Variants in CR2 observed in about 807,000 individuals in gnomAD.
CR2 encodes complement receptor type 2.
A neutral mutation model predicts 123.0 loss-of-function variants in CR2; 96 were observed. The ratio of observed to expected loss-of-function variants is 0.78; its 90% confidence interval spans 0.66 to 0.93. The LOEUF is 0.93. Ranked by LOEUF, CR2 falls within the 40% of genes least tolerant of loss-of-function variation. The probability of loss-of-function intolerance (pLI) is 0.00; values close to 1 mark genes in which losing one functional copy is unlikely to be tolerated. For missense variants in CR2, 1,258 were observed against 1,361.0 expected (o/e 0.92, Z 1.19); for synonymous variants, 484 against 469.5 (o/e 1.03, Z -0.40).
At chr1:207,458,077 C>CATACACACACACACACACACAT (rs1553278532) in intron 1 of CR2, among the ~76,000 whole-genome samples, 4 of 150,078 alleles carry the variant, frequency 2.7e-5, no homozygotes, top group African/African-American at 9.9e-5. Context: ...CACACACACA[C>CATACACACACACACACACACAT]ACACACACAC....
chr1:207,464,527 A>G (rs1658044423), intron 1 of CR2, among the ~76,000 whole-genome samples: 4 of 152,346 alleles, frequency 2.6e-5, no homozygotes, highest in African/African-American at 7.2e-5. Flanking sequence ...AAGTCAATGC[A>G]TTGCACCAGC....
In CR2 at chr1:207,478,031, G is replaced by A. The variant is rs1314658125; in HGVS notation, c.3049G>A (p.Asp1017Asn). The A allele has an allele frequency of 2.5e-6, 4 of 1,613,908 alleles. No individual in the cohort carries two copies. Among genetic ancestry groups the A allele is most frequent in the Non-Finnish European group, 3.4e-6 (4 of 1,180,002 alleles). The change falls in exon 16 of 20, where the codon GAT becomes AAT. Residue 1017 changes from aspartate to asparagine, a missense_variant. Transcript: ENST00000367057. Reference sequence around the variant, plus strand: ...CAGTCCCCAGAGCCAGTGCCAATCGGATCACCAATGGAACCCTCCCCTGGC... The same window carrying A: ...CAGTCCCCAGAGCCAGTGCCAATCGAATCACCAATGGAACCCTCCCCTGGC... ...EGSPQSQCQS[D>N]HQWNPPLAVC... is the part of the protein sequence containing the mutation.
At chr1:207,461,138 G>A (rs141941832) in intron 1 of CR2, among the ~76,000 whole-genome samples, 1 of 151,836 alleles carries the variant, frequency 6.6e-6, no homozygotes, top group Non-Finnish European at 1.5e-5. Context: ...GTATAAATAA[G>A]ACCTCATTGA....
In CR2 at chr1:207,480,057, A is replaced by G; in HGVS notation, c.3188+4A>G. On this transcript the variant is annotated splice_donor_region_variant and intron_variant, in intron 18 of 19. Coordinates refer to ENST00000367057, the MANE Select transcript of CR2 (RefSeq NM_001006658.3). Reference sequence around the variant, plus strand: ...TGATATCAAAACACAGAGCACGGTAAGTTCAAAGGCGAATACTTGATTGAC... The same window carrying G: ...TGATATCAAAACACAGAGCACGGTAGGTTCAAAGGCGAATACTTGATTGAC... 1 of 1,605,060 alleles carries G rather than the reference A, an allele frequency of 6.2e-7. No individual in the cohort carries two copies. The highest frequency in any genetic ancestry group is 8.5e-7 in the Non-Finnish European group (1 of 1,172,048).
chr1:207,466,332 G>T (rs2102300371), intron 1 of CR2, among the ~76,000 whole-genome samples, 194 bp from the exon 2 acceptor site: 1 of 152,240 alleles, frequency 6.6e-6, no homozygotes. Context: ...GATTTATGTT[G>T]ATCTGTTTGC....
chr1:207,468,768 C>T (rs1658179093), intron 3 of CR2, 32 bp from the exon 4 acceptor site: 3 of 1,613,680 alleles, frequency 1.9e-6, no homozygotes, highest in Admixed American at 3.3e-5. Flanking sequence ...TGTTATTTGC[C>T]ATGCATTTCT....
chr1:207,463,917 G>T lies in CR2; in HGVS notation c.59-2609G>T, dbSNP rs753280085. Among the ~76,000 whole-genome samples, 28 of 152,128 alleles carry T rather than the reference G, an allele frequency of 1.8e-4. 1 individual carries two copies. Among genetic ancestry groups the T allele is most frequent in the Non-Finnish European group, 5.9e-5 (4 of 68,018 alleles). ...GAGCATCTGCACACCAAAGTGAGTAGCCAGGAGGGTTTACACTTGGTTTGA... is the reference window on the plus strand; with the variant it reads ...GAGCATCTGCACACCAAAGTGAGTATCCAGGAGGGTTTACACTTGGTTTGA... On this transcript the variant is annotated intron_variant, in intron 1 of 19. Coordinates refer to ENST00000367057, the MANE Select transcript of CR2 (RefSeq NM_001006658.3).
Position 207,474,984 on chromosome 1 carries a change from T to C in CR2, c.2484T>C (p.His828=), listed in dbSNP as rs1454278839. 1 of 1,614,030 alleles carries C rather than the reference T, an allele frequency of 6.2e-7. No homozygotes were observed. Among genetic ancestry groups the C allele is most frequent in the Non-Finnish European group, 8.5e-7 (1 of 1,180,012 alleles). ...KLQCRSDSKG[H]GSWSGPSPQC... is the part of the protein sequence containing the mutation. Reference sequence around the variant, plus strand: ...AGTGCAGAAGTGATTCTAAAGGACATGGATCTTGGAGCGGGCCTTCCCCAC... The same window carrying C: ...AGTGCAGAAGTGATTCTAAAGGACACGGATCTTGGAGCGGGCCTTCCCCAC... The change falls in exon 14 of 20, where the codon CAT becomes CAC. Residue 828 remains histidine (H), a synonymous_variant. Transcript: ENST00000367057.
In CR2 at chr1:207,469,828, T is replaced by C. The variant is rs41304105; in HGVS notation, c.951T>C (p.Leu317=). The C allele has an allele frequency of 4.3e-6, 7 of 1,613,926 alleles. No individual in the cohort carries two copies. Among genetic ancestry groups the C allele is most frequent in the East Asian group, 2.2e-5 (1 of 44,876 alleles). ...CAGAGGAAGGAGTGAACTTCATCCT[T>C]ATTGGAGAGAGCACTCTCCGTTGTA... The part of the protein sequence containing the change: ...PDPEEGVNFI[L]IGESTLRCTV... Residue 317 remains leucine (L), a synonymous_variant, in exon 6 of 20, where the codon CTT becomes CTC. Coordinates refer to ENST00000367057, the MANE Select transcript of CR2 (RefSeq NM_001006658.3).
Position 207,466,616 on chromosome 1 carries a change from G to GT in CR2, c.151dup (p.Cys51LeufsTer18). 6.2e-7 allele frequency: 1 copy of GT among 1,614,056 alleles called. No individual in the cohort carries two copies. Among genetic ancestry groups the GT allele is most frequent in the South Asian group, 1.1e-5 (1 of 91,086 alleles). The stretch of plus-strand genomic sequence containing the variant: ...GCTGTTGGTACCGTGATAAGGTACA[G>GT]TTGTTCAGGTACCTTCCGCCTCATT... On this transcript the variant is annotated frameshift_variant, in exon 2 of 20. Transcript: ENST00000367057. LOFTEE classifies it high-confidence loss of function.
intron 5 of CR2, 108 bp from the exon 6 acceptor site, chr1:207,469,587 T>C (rs1658203005): frequency 2.0e-6 from 2 of 1,020,822 alleles, no homozygotes; most frequent in Admixed American, 3.5e-5. Context: ...TGATTCATTA[T>C]AGACTCGGAT....
intron 19 of CR2, among the ~76,000 whole-genome samples, chr1:207,488,653 T>C (rs968529345): frequency 2.6e-5 from 4 of 152,074 alleles, no homozygotes; most frequent in Admixed American, 6.6e-5. Flanking sequence ...ATATACCACC[T>C]CTGTCCTCTT....
intron 1 of CR2, among the ~76,000 whole-genome samples, chr1:207,464,618 A>G (rs1194242020): frequency 2.6e-5 from 4 of 152,338 alleles, no homozygotes; most frequent in Admixed American, 2.6e-4. Context: ...GCTCAATTAT[A>G]GAAGTTGAAA....
In CR2 at chr1:207,477,878, A is replaced by G. The variant is rs369544590; in HGVS notation, c.2903-7A>G. The G allele has an allele frequency of 6.2e-7, 1 of 1,613,592 alleles. No individual in the cohort carries two copies. Among genetic ancestry groups the G allele is most frequent in the Non-Finnish European group, 8.5e-7 (1 of 1,179,662 alleles). The stretch of plus-strand genomic sequence containing the variant: ...ACTGTGCTTGAATTAGATTTCTTTA[A>G]TTTCAGAGGTAAACTGTAGCTCACC... On this transcript the variant is annotated splice_region_variant and splice_polypyrimidine_tract_variant and intron_variant, in intron 15 of 19. Transcript: ENST00000367057.
At chr1:207,483,114 G>A (rs1658650601) in intron 18 of CR2, among the ~76,000 whole-genome samples, 1 of 152,136 alleles carries the variant, frequency 6.6e-6, no homozygotes, top group Non-Finnish European at 1.5e-5. Flanking sequence ...GCTAGTGTTA[G>A]GGCGGATAAT....
rs1043370206 is a variant in CR2, at chr1:207,476,122, CAGTT to C, written c.2717-107_2717-104del. 3.7e-5 allele frequency: 35 copies of C among 935,786 alleles called. No homozygotes were observed. The Admixed American group carries it at 6.3e-4, about 17-fold the overall frequency. The allele number at this position is 935,786 out of a possible 1,614,324, so 58.0% of individuals were successfully genotyped here. ...GGAATGAATGAATGTTTTTGGATAC[CAGTT>C]AGTTGGCTTGTTGCTTCTGGCCTTC... On this transcript the variant is annotated intron_variant, in intron 14 of 19. Transcript: ENST00000367057.
At position 207,476,506 on chromosome 1, in the gene CR2, C is replaced by T; in HGVS notation, c.2902+87C>T. On this transcript the variant is annotated intron_variant, in intron 15 of 19. Transcript: ENST00000367057. ...GTTGGGTACTTTCAACTTAAAATAGCCAAAGAAATGAATTAACTGTCTGAT... is the reference window on the plus strand; with the variant it reads ...GTTGGGTACTTTCAACTTAAAATAGTCAAAGAAATGAATTAACTGTCTGAT... 4.3e-6 allele frequency: 5 copies of T among 1,166,302 alleles called. No individual in the cohort carries two copies. The South Asian group carries it at 6.7e-5, about 16-fold the overall frequency. The allele number at this position is 1,166,302 out of a possible 1,614,324, so 72.2% of individuals were successfully genotyped here.
intron 18 of CR2, 148 bp downstream of exon 18, chr1:207,480,201 G>A: frequency 1.4e-6 from 1 of 699,336 alleles, no homozygotes; most frequent in South Asian, 1.5e-5. Context: ...ACAAAAGGAA[G>A]CCCTTTCTGT....
At chr1:207,483,016 T>C (rs1658647235) in intron 18 of CR2, among the ~76,000 whole-genome samples, 1 of 151,592 alleles carries the variant, frequency 6.6e-6, no homozygotes, top group Non-Finnish European at 1.5e-5. Flanking sequence ...AATACTAATA[T>C]GTGCAAAGGA....
Sources: allele counts gnomAD v4.1 joint callset (sites outside exome capture counted in the v4.1 genomes callset), GRCh38; gene constraint gnomAD v4.1.1; transcripts MANE v1.5; gene names NCBI Gene and HGNC (gene_info 2026-07-23, HGNC 2026-07-21).